PJA2: variants seen among roughly 807,000 people sequenced by gnomAD.
PJA2 encodes the protein E3 ubiquitin-protein ligase Praja-2.
Under a neutral mutation model 69.3 loss-of-function variants are expected in PJA2, and 25 were observed. That is an observed-to-expected ratio of 0.36 (90% CI 0.26 to 0.50). The LOEUF (loss-of-function observed/expected upper bound fraction) is 0.50, where lower values mean the gene tolerates loss of function less well. Among genes scored for constraint, PJA2 ranks in the 20% least tolerant of loss-of-function variants. PJA2 has a pLI of 0.96. For missense variants in PJA2, 809 were observed against 830.2 expected (o/e 0.97, Z 0.31); for synonymous variants, 308 against 277.8 (o/e 1.11, Z -1.08).
chr5:109,382,586 G>A (rs182433167), intron 2 of PJA2, among the ~76,000 whole-genome samples: 1 of 152,294 alleles, frequency 6.6e-6, no homozygotes, highest in Non-Finnish European at 1.5e-5. Flanking sequence ...GGTGGCTCAT[G>A]CCTGTAATCC....
At chr5:109,352,436 C>A (rs1218300373) in intron 7 of PJA2, among the ~76,000 whole-genome samples, 3 of 152,142 alleles carry the variant, frequency 2.0e-5, no homozygotes, top group Non-Finnish European at 4.4e-5. Context: ...TTATTTAGCA[C>A]AACGAAATGA....
intron 1 of PJA2, among the ~76,000 whole-genome samples, chr5:109,386,693 CA>C (rs1747166466): frequency 6.6e-6 from 1 of 151,844 alleles, no homozygotes; most frequent in Admixed American, 6.6e-5. Context: ...ATGGTTTCAA[CA>C]AGTATATGTT....
chr5:109,399,541 A>T (rs1279294096), intron 1 of PJA2, among the ~76,000 whole-genome samples: 1 of 152,210 alleles, frequency 6.6e-6, no homozygotes, highest in East Asian at 1.9e-4. Context: ...ACTAAGCACA[A>T]TGCAACCACA....
intron 7 of PJA2, among the ~76,000 whole-genome samples, chr5:109,353,513 TC>T (rs1402301853): frequency 4.6e-5 from 4 of 87,300 alleles, no homozygotes; most frequent in Non-Finnish European, 1.1e-4. Flanking sequence ...TCTATAGATA[TC>T]TATATATTAG....
At chr5:109,389,747 C>T (rs1005271184) in intron 1 of PJA2, among the ~76,000 whole-genome samples, 2 of 151,938 alleles carry the variant, frequency 1.3e-5, no homozygotes, top group Non-Finnish European at 2.9e-5. Flanking sequence ...CATAAAGTTA[C>T]CTCTAAGCAT....
chr5:109,371,808 C>G (rs564986483), intron 4 of PJA2, among the ~76,000 whole-genome samples: 2 of 152,164 alleles, frequency 1.3e-5, no homozygotes, highest in African/African-American at 4.8e-5. Flanking sequence ...TCTTAAGGTA[C>G]GATAGTTGAG....
chr5:109,383,219 C>T (rs115775656), intron 2 of PJA2, among the ~76,000 whole-genome samples, 184 bp downstream of exon 2: 185 of 152,146 alleles, frequency 1.2e-3, no homozygotes, highest in African/African-American at 4.2e-3. Context: ...AAAGAAAATA[C>T]CAGAATTTCT....
At chr5:109,392,926 A>G (rs1483104221) in intron 1 of PJA2, among the ~76,000 whole-genome samples, 1 of 130,190 alleles carries the variant, frequency 7.7e-6, no homozygotes, top group Admixed American at 7.8e-5. Flanking sequence ...AATCTTTACA[A>G]TGTTGGAGTA....
chr5:109,339,070 T>C lies in PJA2; in HGVS notation c.2002-1714A>G, dbSNP rs145506795. 4.8e-3 allele frequency among the ~76,000 whole-genome samples: 724 copies of C among 152,234 alleles called. 4 individuals carry two copies. The highest frequency in any genetic ancestry group is 5.1e-3 in the Non-Finnish European group (350 of 68,024). ...ATGCCAGACTTCAGGAGCAAATGCA[T>C]AGAAACATGAGCAAGTGTACAGAAA... On this transcript the variant is annotated intron_variant, in intron 9 of 9. Transcript: ENST00000361189.
rs57999992 is a variant in PJA2, at chr5:109,396,762, GAA to G, written c.-88+13078_-88+13079del. Among the ~76,000 whole-genome samples the G allele has an allele frequency of 5.3e-3, 466 of 87,842 alleles. 2 individuals carry two copies. Among genetic ancestry groups the G allele is most frequent in the Non-Finnish European group, 7.7e-3 (360 of 46,850 alleles). 57.6% of individuals were successfully genotyped at this position (87,842 alleles called of 152,430 possible). On this transcript the variant is annotated intron_variant, in intron 1 of 9. Coordinates refer to ENST00000361189, the MANE Select transcript of PJA2 (RefSeq NM_014819.5). ...TCTAACCATCGCAAGACCAAAAAAA[GAA>G]AAAAAAAAAAAAGGCAGGGGTGGGG...
At chr5:109,392,560 C>CAA (rs11365525) in intron 1 of PJA2, among the ~76,000 whole-genome samples, 4,535 of 109,790 alleles carry the variant, frequency 0.041, 369 homozygotes, top group African/African-American at 0.14. Context: ...GACTCCATCT[C>CAA]AAAAAAAAAA....
At position 109,335,039 on chromosome 5, in the gene PJA2, T is replaced by C. The variant is rs904412571; in HGVS notation, c.*2192A>G. ...TAAAATAGAGAAATAAGATAAATGC[T>C]ATTTTATTAATATTCATACTTATTT... is the stretch of plus-strand genomic sequence containing the variant. On this transcript the variant is annotated 3_prime_UTR_variant, in exon 10 of 10. Coordinates refer to ENST00000361189, the MANE Select transcript of PJA2 (RefSeq NM_014819.5). 1.3e-5 allele frequency: 2 copies of C among 152,656 alleles called. No individual in the cohort carries two copies. The highest frequency in any genetic ancestry group is 6.5e-5 in the Admixed American group (1 of 15,282). The allele number at this position is 152,656 out of a possible 1,614,324, so 9.5% of individuals were successfully genotyped here.
At position 109,348,967 on chromosome 5, in the gene PJA2, G is replaced by T. The variant is rs566506912; in HGVS notation, c.1765-4148C>A. Among the ~76,000 whole-genome samples the T allele has an allele frequency of 2.4e-3, 367 of 152,184 alleles. 1 individual carries two copies. Among genetic ancestry groups the T allele is most frequent in the Middle Eastern group, 0.017 (5 of 294 alleles). ...ATGCCAGTTGTTGGAAGTTAAATTTGCAATTTAGTCTTTATATAAGAGAAT... is the reference window on the plus strand; with the variant it reads ...ATGCCAGTTGTTGGAAGTTAAATTTTCAATTTAGTCTTTATATAAGAGAAT... On this transcript the variant is annotated intron_variant, in intron 7 of 9. Transcript: ENST00000361189.
intron 1 of PJA2, among the ~76,000 whole-genome samples, chr5:109,393,516 T>C (rs1476041602): frequency 6.6e-6 from 1 of 151,974 alleles, no homozygotes; most frequent in Non-Finnish European, 1.5e-5. Flanking sequence ...TCAGCTACAG[T>C]CCCACTTATA....
chr5:109,393,701 C>A (rs1483399869), intron 1 of PJA2, among the ~76,000 whole-genome samples: 1 of 151,258 alleles, frequency 6.6e-6, no homozygotes, highest in African/African-American at 2.4e-5. Flanking sequence ...AAACTGTAAA[C>A]AACCCAAATG....
At chr5:109,399,206 G>A (rs1291442330) in intron 1 of PJA2, among the ~76,000 whole-genome samples, 1 of 141,922 alleles carries the variant, frequency 7.0e-6, no homozygotes, top group African/African-American at 2.7e-5. Flanking sequence ...GTGCAACTCT[G>A]TCTCAAAAAA....
rs1161769179 is a variant in PJA2, at chr5:109,334,972, T to C, written c.*2259A>G. On this transcript the variant is annotated 3_prime_UTR_variant, in exon 10 of 10. Transcript: ENST00000361189. ...ATATCAGCATTCATATTATAAGAAATAAGAAAATGTTAAAAAAATAAAATT... is the reference window on the plus strand; with the variant it reads ...ATATCAGCATTCATATTATAAGAAACAAGAAAATGTTAAAAAAATAAAATT... 1.3e-5 allele frequency: 2 copies of C among 152,454 alleles called. No individual in the cohort carries two copies. The highest frequency in any genetic ancestry group is 2.9e-5 in the Non-Finnish European group (2 of 67,966). The allele number at this position is 152,454 out of a possible 1,614,324, so 9.4% of individuals were successfully genotyped here.
At chr5:109,362,539 T>C (rs1046890709) in intron 6 of PJA2, among the ~76,000 whole-genome samples, 2 of 152,094 alleles carry the variant, frequency 1.3e-5, no homozygotes, top group African/African-American at 2.4e-5. Context: ...TGCTAAGTGA[T>C]AGAGGGCATA....
intron 4 of PJA2, among the ~76,000 whole-genome samples, chr5:109,371,222 C>T (rs1762669969): frequency 6.6e-6 from 1 of 152,122 alleles, no homozygotes; most frequent in Non-Finnish European, 1.5e-5. Context: ...GCTAAGGAGA[C>T]AACTTTTAAA....
Sources: allele counts gnomAD v4.1 joint callset (sites outside exome capture counted in the v4.1 genomes callset), GRCh38; gene constraint gnomAD v4.1.1; transcripts MANE v1.5; gene names NCBI Gene and HGNC (gene_info 2026-07-23, HGNC 2026-07-21).